Variants in CELF2 observed in about 807,000 individuals in gnomAD.
CELF2 encodes the protein CUG triplet repeat RNA-binding protein 2.
A neutral mutation model predicts 62.6 loss-of-function variants in CELF2; 8 were observed. The observed-to-expected ratio is 0.13, with a 90% CI of 0.07 to 0.23. The LOEUF is 0.23. Ranked by LOEUF, CELF2 falls within the 10% of genes least tolerant of loss-of-function variation. The probability of loss-of-function intolerance (pLI) is 1.00; values close to 1 mark genes in which losing one functional copy is unlikely to be tolerated. For missense variants in CELF2, 333 were observed against 671.0 expected (o/e 0.50, Z 5.56); for synonymous variants, 258 against 250.0 (o/e 1.03, Z -0.30).
intron 1 of CELF2, among the ~76,000 whole-genome samples, chr10:10,803,514 C>A (rs1245792585): frequency 6.6e-6 from 1 of 152,256 alleles, no homozygotes; most frequent in African/African-American, 2.4e-5. Flanking sequence ...CTCATTCAAG[C>A]CTTAGCTCCC....
At chr10:10,557,714 C>T in the CELF2 span, among the ~76,000 whole-genome samples, 1 of 148,596 alleles carries the variant, frequency 6.7e-6, no homozygotes, top group South Asian at 2.1e-4. Flanking sequence ...TTTCCTTGAG[C>T]AGTGGTTTGT....
At chr10:11,099,827 CAT>C (rs1337415108) in intron 1 of CELF2, among the ~76,000 whole-genome samples, 3 of 148,562 alleles carry the variant, frequency 2.0e-5, no homozygotes, top group African/African-American at 7.4e-5. Flanking sequence ...TTATACATTA[CAT>C]AGTTACCCCT....
Position 11,329,865 on chromosome 10 carries a change from A to AT in CELF2, c.*812_*813insT, listed in dbSNP as rs2095953399. ...ATAAATACATAAATACATAAATAAA[A>AT]AAGAAAGCCACAGGCCTGTAAATTT... On this transcript the variant is annotated 3_prime_UTR_variant, in exon 13 of 13. Coordinates refer to ENST00000633077, the MANE Select transcript of CELF2 (RefSeq NM_001326342.2). The surrounding 1 kb of genome is among the most constrained non-coding windows in gnomAD (Gnocchi z 5.5). The AT allele has an allele frequency of 6.6e-6, 1 of 150,542 alleles. No homozygotes were observed. The highest frequency in any genetic ancestry group is 2.5e-5 in the African/African-American group (1 of 39,820). The allele number at this position is 150,542 out of a possible 1,614,324, so 9.3% of individuals were successfully genotyped here.
At position 10,853,738 on chromosome 10, in the gene CELF2, C is replaced by T. The variant is rs565581127; in HGVS notation, c.53+54921C>T. On this transcript the variant is annotated intron_variant, in intron 1 of 13. Transcript: ENST00000636488. ...GGGGAGCTGGCCTCTCGGTTCTCCT[C>T]GGCATGAGGCAGATGCCAGATTTTA... is the stretch of plus-strand genomic sequence containing the variant. 2.8e-4 allele frequency among the ~76,000 whole-genome samples: 43 copies of T among 152,136 alleles called. 1 individual carries two copies. In the South Asian group the frequency reaches 8.5e-3, roughly 30 times the overall value.
chr10:10,641,350 G>C, the CELF2 span, among the ~76,000 whole-genome samples: 1 of 152,130 alleles, frequency 6.6e-6, no homozygotes, highest in African/African-American at 2.4e-5. Flanking sequence ...AAACTTCATC[G>C]TGTATCTCTT....
chr10:11,091,201 AG>A (rs2048228107), intron 1 of CELF2, among the ~76,000 whole-genome samples: 1 of 152,180 alleles, frequency 6.6e-6, no homozygotes, highest in African/African-American at 2.4e-5. Context: ...TGCTCCTCCC[AG>A]TCCCCGACAA....
the CELF2 span, among the ~76,000 whole-genome samples, chr10:10,713,662 C>T: frequency 6.6e-6 from 1 of 152,292 alleles, no homozygotes. Context: ...TTTTTGATTA[C>T]CTCTAAGACC....
chr10:10,627,692 C>A, the CELF2 span, among the ~76,000 whole-genome samples: 2 of 152,140 alleles, frequency 1.3e-5, no homozygotes, highest in African/African-American at 4.8e-5. Context: ...CTTAAGACAC[C>A]ACCTTGAACC....
the CELF2 span, among the ~76,000 whole-genome samples, chr10:10,776,923 G>A: frequency 4.6e-5 from 7 of 152,232 alleles, no homozygotes; most frequent in East Asian, 3.8e-4. Context: ...GGAAGGCCAT[G>A]CCCTCTGCAT....
the CELF2 span, among the ~76,000 whole-genome samples, chr10:10,523,000 C>A: frequency 3.9e-4 from 59 of 152,182 alleles, no homozygotes; most frequent in Non-Finnish European, 5.9e-5. Context: ...GAGGTCCAGA[C>A]CACAGAGTTG....
At chr10:10,883,887 T>C (rs2061588969) in intron 1 of CELF2, among the ~76,000 whole-genome samples, 1 of 151,724 alleles carries the variant, frequency 6.6e-6, no homozygotes, top group South Asian at 2.1e-4. Context: ...CTCCTCCTCC[T>C]CCTCCTCTTC....
chr10:11,271,712 T>A (rs1254146874), intron 7 of CELF2, among the ~76,000 whole-genome samples: 1 of 80,836 alleles, frequency 1.2e-5, no homozygotes, highest in African/African-American at 4.1e-5. Flanking sequence ...TCAGAGAGGG[T>A]GTCTCTGTGT....
At position 11,110,717 on chromosome 10, in the gene CELF2, A is replaced by G. The variant is rs1254150290; in HGVS notation, c.75-54769A>G. Among the ~76,000 whole-genome samples the G allele has an allele frequency of 1.3e-5, 2 of 152,284 alleles. No homozygotes were observed. The highest frequency in any genetic ancestry group is 2.9e-5 in the Non-Finnish European group (2 of 68,012). On this transcript the variant is annotated intron_variant, in intron 1 of 12. Coordinates refer to ENST00000633077, the MANE Select transcript of CELF2 (RefSeq NM_001326342.2). The surrounding 1 kb of genome is among the most constrained non-coding windows in gnomAD (Gnocchi z 4.0). ...CGTTGGCATTCTCAGCAGTGCATCA[A>G]CAAAGGCCCCTTTCTTCTGGAATTC...
intron 1 of CELF2, among the ~76,000 whole-genome samples, chr10:11,027,071 C>T (rs183856922): frequency 7.0e-4 from 106 of 152,260 alleles, no homozygotes; most frequent in Admixed American, 5.6e-3. Flanking sequence ...TCACTTCAGT[C>T]CACGCTGGTA....
chr10:10,572,323 C>T, the CELF2 span, among the ~76,000 whole-genome samples: 33 of 149,038 alleles, frequency 2.2e-4, no homozygotes, highest in African/African-American at 6.6e-4. Context: ...AGTTTTTGTT[C>T]GGTTGGTTTT....
At chr10:11,155,750 A>G (rs1353188530) in intron 1 of CELF2, among the ~76,000 whole-genome samples, 1 of 152,204 alleles carries the variant, frequency 6.6e-6, no homozygotes, top group East Asian at 1.9e-4. Context: ...TGGACTGTCA[A>G]CTTTTGATTT....
At chr10:11,181,173 A>T (rs2073250710) in intron 2 of CELF2, among the ~76,000 whole-genome samples, 1 of 152,190 alleles carries the variant, frequency 6.6e-6, no homozygotes, top group African/African-American at 2.4e-5. Flanking sequence ...CCTGGCCCAG[A>T]CATGGAATTT....
chr10:11,054,441 A>G (rs2140184145), intron 1 of CELF2, among the ~76,000 whole-genome samples: 1 of 151,288 alleles, frequency 6.6e-6, no homozygotes, highest in East Asian at 1.9e-4. Flanking sequence ...ATCTATCATC[A>G]GTTTTCATCA....
At chr10:11,040,239 A>C (rs893650981) in intron 1 of CELF2, among the ~76,000 whole-genome samples, 4 of 152,202 alleles carry the variant, frequency 2.6e-5, no homozygotes, top group Admixed American at 6.5e-5. Context: ...GGCCTCCAAC[A>C]ATATGGAGAT....
Sources: gnomAD v4.1 joint callset for allele counts (sites outside exome capture counted in the v4.1 genomes callset) on GRCh38, gnomAD v4.1.1 for gene constraint, Gnocchi (gnomAD v3.1) non-coding constraint, MANE v1.5 for transcripts, NCBI Gene and HGNC (gene_info 2026-07-23, HGNC 2026-07-21) for gene names.